The following DYM variants were observed in gnomAD, a reference collection of about 807,000 sequenced individuals.
The protein encoded by DYM is dymeclin.
Under a neutral mutation model 93.1 loss-of-function variants are expected in DYM, and 78 were observed. The ratio of observed to expected loss-of-function variants is 0.84; its 90% CI spans 0.70 to 1.01. The LOEUF (loss-of-function observed/expected upper bound fraction) is 1.01. Among genes scored for constraint, DYM ranks in the 50% least tolerant of loss-of-function variants. DYM has a pLI of 0.00. For missense variants in DYM, 789 were observed against 845.0 expected (o/e 0.93, Z 0.82); for synonymous variants, 321 against 319.7 (o/e 1.00, Z -0.04).
intron 8 of DYM, among the ~76,000 whole-genome samples, chr18:49,302,927 G>A (rs966763276): frequency 1.3e-5 from 2 of 152,158 alleles, no homozygotes; most frequent in East Asian, 1.9e-4. Context: ...ATCTGCCATA[G>A]AACAGAACTT....
chr18:49,435,207 C>CAAAA (rs150003482), intron 1 of DYM, among the ~76,000 whole-genome samples: 14 of 88,732 alleles, frequency 1.6e-4, no homozygotes, highest in Non-Finnish European at 2.6e-4. Context: ...GACTCCATCT[C>CAAAA]AAAAAAAAAA....
intron 15 of DYM, among the ~76,000 whole-genome samples, chr18:49,144,061 G>A (rs1209010146): frequency 6.6e-6 from 1 of 151,946 alleles, no homozygotes; most frequent in Non-Finnish European, 1.5e-5. Flanking sequence ...TTCTAATTAG[G>A]TTTTAAAAAA....
intron 2 of DYM, among the ~76,000 whole-genome samples, chr18:49,422,317 C>T (rs993273961): frequency 7.9e-5 from 12 of 152,210 alleles, no homozygotes; most frequent in Non-Finnish European, 1.8e-4. Context: ...TCGGCAGAAA[C>T]TCTACAAGCC....
intron 2 of DYM, among the ~76,000 whole-genome samples, chr18:49,421,699 A>G (rs958677561): frequency 2.0e-5 from 3 of 152,216 alleles, no homozygotes; most frequent in African/African-American, 7.2e-5. Flanking sequence ...GTAATAACAA[A>G]CTTCTCCGAG....
intron 8 of DYM, among the ~76,000 whole-genome samples, chr18:49,292,336 G>A (rs28737303): frequency 0.13 from 13,177 of 99,160 alleles, 782 homozygotes; most frequent in African/African-American, 0.19. Context: ...AGGCAGGCAG[G>A]CAGACAGACA....
chr18:49,309,588 T>C (rs1021182703), intron 8 of DYM, among the ~76,000 whole-genome samples: 2 of 152,196 alleles, frequency 1.3e-5, no homozygotes, highest in African/African-American at 2.4e-5. Context: ...TGAGCCATGA[T>C]CGCACCACTG....
chr18:49,149,551 T>C (rs1008465923), intron 15 of DYM, among the ~76,000 whole-genome samples: 5 of 152,128 alleles, frequency 3.3e-5, no homozygotes, highest in African/African-American at 1.2e-4. Flanking sequence ...ATGAAATTAT[T>C]ATATATCCCT....
At chr18:49,159,515 A>G (rs2086844075) in intron 15 of DYM, among the ~76,000 whole-genome samples, 1 of 152,224 alleles carries the variant, frequency 6.6e-6, no homozygotes, top group African/African-American at 2.4e-5. Context: ...GAATGATAAT[A>G]ATAAGTGATC....
chr18:49,450,573 T>A (rs543447635), intron 1 of DYM, among the ~76,000 whole-genome samples: 44 of 152,348 alleles, frequency 2.9e-4, no homozygotes, highest in African/African-American at 1.0e-3. Flanking sequence ...TCCTTCCTGA[T>A]GCCTGGCTTT....
intron 15 of DYM, among the ~76,000 whole-genome samples, chr18:49,130,069 C>A (rs2083238948): frequency 6.6e-6 from 1 of 152,162 alleles, no homozygotes; most frequent in Admixed American, 6.5e-5. Context: ...TCTGCTACCA[C>A]TGGAGAAGGG....
intron 11 of DYM, among the ~76,000 whole-genome samples, chr18:49,267,600 G>T (rs529669360): frequency 6.6e-6 from 1 of 152,220 alleles, no homozygotes; most frequent in South Asian, 2.1e-4. Flanking sequence ...ACCTTAAAAA[G>T]TATCAATGTC....
intron 8 of DYM, among the ~76,000 whole-genome samples, chr18:49,318,622 C>G (rs2062195502): frequency 6.6e-6 from 1 of 150,668 alleles, no homozygotes; most frequent in Admixed American, 6.6e-5. Context: ...CTCTGTCCCC[C>G]CACAAAAAAG....
At chr18:49,304,958 G>A (rs2146251285) in intron 8 of DYM, among the ~76,000 whole-genome samples, 1 of 152,198 alleles carries the variant, frequency 6.6e-6, no homozygotes, top group South Asian at 2.1e-4. Context: ...CTCCACTGGT[G>A]ACTGCACTGC....
intron 5 of DYM, among the ~76,000 whole-genome samples, chr18:49,374,284 T>C (rs927342511): frequency 6.6e-6 from 1 of 152,148 alleles, no homozygotes; most frequent in African/African-American, 2.4e-5. Context: ...TCAAAATCCT[T>C]GATTAAGTCT....
chr18:49,074,796 GT>G (rs573419815), intron 17 of DYM, among the ~76,000 whole-genome samples: 99 of 152,328 alleles, frequency 6.5e-4, no homozygotes, highest in Non-Finnish European at 1.2e-3. Flanking sequence ...AAGCACATGA[GT>G]TTCTTATACA....
intron 1 of DYM, among the ~76,000 whole-genome samples, chr18:49,446,801 G>A (rs2082127435): frequency 6.6e-6 from 1 of 152,204 alleles, no homozygotes; most frequent in African/African-American, 2.4e-5. Context: ...GCTCACGCCT[G>A]TAATCCCAGC....
intron 1 of DYM, among the ~76,000 whole-genome samples, chr18:49,436,124 C>T (rs1276445555): frequency 1.3e-5 from 2 of 152,090 alleles, no homozygotes; most frequent in African/African-American, 2.4e-5. Flanking sequence ...GCAATCCTTC[C>T]GCCTTAGCCT....
intron 13 of DYM, among the ~76,000 whole-genome samples, chr18:49,225,222 GCACA>G (rs907499476): frequency 1.3e-5 from 2 of 152,060 alleles, no homozygotes; most frequent in African/African-American, 4.8e-5. Context: ...TAGCATGCGT[GCACA>G]CACACAATTT....
At position 49,423,357 on chromosome 18, in the gene DYM, A is replaced by G. The variant is rs569771787; in HGVS notation, c.140+6898T>C. Among the ~76,000 whole-genome samples the G allele has an allele frequency of 6.2e-3, 949 of 152,388 alleles. 3 individuals carry two copies. The highest frequency in any genetic ancestry group is 0.031 in the Middle Eastern group (9 of 294). ...TTCTTTGAAACCAACGAGAACAAAG[A>G]CACAACATACCAGAATCTCTGGGAC... is the stretch of plus-strand genomic sequence containing the variant. On this transcript the variant is annotated intron_variant, in intron 2 of 17. Coordinates refer to ENST00000675505, the MANE Select transcript of DYM (RefSeq NM_001353214.3).
Sources: allele counts gnomAD v4.1 joint callset (sites outside exome capture counted in the v4.1 genomes callset), GRCh38; gene constraint gnomAD v4.1.1; transcripts MANE v1.5; gene names NCBI Gene and HGNC (gene_info 2026-07-23, HGNC 2026-07-21).